Variants in CACNB2 observed in about 807,000 individuals in gnomAD.
The protein encoded by CACNB2 is voltage-dependent L-type calcium channel subunit beta-2.
CACNB2 carries 42 observed loss-of-function variants against 73.3 expected under a neutral mutation model. The observed-to-expected ratio is 0.57, with a 90% CI of 0.45 to 0.74. The LOEUF is 0.74. Ranked by LOEUF, CACNB2 falls within the 30% of genes least tolerant of loss-of-function variation. CACNB2 has a pLI of 0.00. For missense variants in CACNB2, 940 were observed against 853.0 expected, an observed-to-expected ratio of 1.10 and a Z score of -1.27; for synonymous variants, 348 against 310.3, an observed-to-expected ratio of 1.12 and a Z score of -1.28.
At chr10:18,391,881 TTG>T (rs1418046359) in intron 2 of CACNB2, among the ~76,000 whole-genome samples, 3 of 143,100 alleles carry the variant, frequency 2.1e-5, no homozygotes, top group Non-Finnish European at 3.0e-5. Flanking sequence ...TGAGCCAAGA[TTG>T]TGCCACTGCA....
At chr10:18,522,008 C>G (rs1306708440) in intron 9 of CACNB2, among the ~76,000 whole-genome samples, 1 of 152,160 alleles carries the variant, frequency 6.6e-6, no homozygotes, top group Non-Finnish European at 1.5e-5. Flanking sequence ...AGTCACTCCT[C>G]ATCACTCACA....
chr10:18,274,747 C>A (rs768449393), intron 2 of CACNB2, among the ~76,000 whole-genome samples: 4 of 152,102 alleles, frequency 2.6e-5, no homozygotes, highest in Non-Finnish European at 5.9e-5. Context: ...ATAGTTACAA[C>A]ATGCTTATAA....
intron 2 of CACNB2, among the ~76,000 whole-genome samples, chr10:18,273,584 T>G (rs1236304943): frequency 6.6e-6 from 1 of 152,144 alleles, no homozygotes; most frequent in African/African-American, 2.4e-5. Flanking sequence ...ATTATGGAAA[T>G]GGTGGCTAAT....
At chr10:18,332,231 G>A (rs1222278752) in intron 2 of CACNB2, among the ~76,000 whole-genome samples, 8 of 152,170 alleles carry the variant, frequency 5.3e-5, no homozygotes, top group South Asian at 2.1e-4. Context: ...ATTGGACAGC[G>A]TCCAAGAGAT....
intron 3 of CACNB2, among the ~76,000 whole-genome samples, chr10:18,450,607 G>A (rs1387504108): frequency 1.3e-5 from 2 of 151,178 alleles, no homozygotes; most frequent in African/African-American, 4.9e-5. Context: ...ACCCTCGCCA[G>A]CTCCAGCTGC....
At position 18,539,495 on chromosome 10, in the gene CACNB2, A is replaced by G. The variant is rs1412805204; in HGVS notation, c.1754A>G (p.His585Arg). 6.2e-7 allele frequency: 1 copy of G among 1,613,992 alleles called. No homozygotes were observed. Among genetic ancestry groups the G allele is most frequent in the Non-Finnish European group, 8.5e-7 (1 of 1,180,004 alleles). The change falls in exon 14 of 14, where the codon CAC (histidine) becomes CGC (arginine). Residue 585 changes from histidine to arginine, a missense_variant. Transcript: ENST00000324631. ...SHDHVDHYAS[H>R]RDHNHRDETH... The stretch of plus-strand genomic sequence containing the variant: ...GACCACGTGGACCACTATGCCTCAC[A>G]CCGTGACCACAACCACAGAGACGAG...
At chr10:18,275,555 C>T (rs910426661) in intron 2 of CACNB2, among the ~76,000 whole-genome samples, 12 of 152,058 alleles carry the variant, frequency 7.9e-5, no homozygotes, top group African/African-American at 2.7e-4. Flanking sequence ...CCATGGCACA[C>T]GTTTACCTAT....
At chr10:18,307,098 G>GA (rs929162109) in intron 2 of CACNB2, among the ~76,000 whole-genome samples, 187 of 147,974 alleles carry the variant, frequency 1.3e-3, no homozygotes, top group African/African-American at 4.1e-3. Flanking sequence ...AAATGGTGGA[G>GA]AAAAAAAAAA....
chr10:18,225,250 T>A lies in CACNB2; in HGVS notation c.213+74275T>A, dbSNP rs1332495691. ...AAAATCCCTGGCAGAGGATGGGGGA[T>A]GGGGGAGGGTAAAGCCTGGAGAGAC... On this transcript the variant is annotated intron_variant, in intron 2 of 13. Coordinates refer to ENST00000324631, the MANE Select transcript of CACNB2 (RefSeq NM_201596.3). 3.9e-5 allele frequency among the ~76,000 whole-genome samples: 6 copies of A among 152,092 alleles called. No homozygotes were observed. The South Asian group carries it at 1.3e-3, about 32-fold the overall frequency.
At chr10:18,391,967 A>T (rs1275230971) in intron 2 of CACNB2, among the ~76,000 whole-genome samples, 2 of 150,376 alleles carry the variant, frequency 1.3e-5, no homozygotes, top group African/African-American at 4.9e-5. Context: ...CACTATTTTT[A>T]AAAAAGTAGA....
At chr10:18,177,465 C>CAA (rs35967003) in intron 2 of CACNB2, among the ~76,000 whole-genome samples, 16,989 of 130,260 alleles carry the variant, frequency 0.13, 1,130 homozygotes, top group Middle Eastern at 0.17. Flanking sequence ...ATTAAAAATG[C>CAA]AAAAAAAAAA....
chr10:18,478,201 G>A (rs1195924966), intron 3 of CACNB2, among the ~76,000 whole-genome samples: 1 of 152,082 alleles, frequency 6.6e-6, no homozygotes, highest in Non-Finnish European at 1.5e-5. Flanking sequence ...GAAGGTGCTG[G>A]GATTACAGGC....
intron 2 of CACNB2, among the ~76,000 whole-genome samples, chr10:18,338,552 A>G (rs1225019759): frequency 6.6e-6 from 1 of 152,098 alleles, no homozygotes; most frequent in Admixed American, 6.6e-5. Flanking sequence ...CAGACCCTTC[A>G]CTTTCACTAC....
intron 2 of CACNB2, among the ~76,000 whole-genome samples, chr10:18,160,847 C>T (rs577978626): frequency 2.0e-5 from 3 of 152,240 alleles, no homozygotes; most frequent in African/African-American, 7.2e-5. Context: ...TTATCACATG[C>T]TGGAGAAGTC....
At chr10:18,507,500 G>A (rs1037678929) in intron 6 of CACNB2, among the ~76,000 whole-genome samples, 9 of 152,196 alleles carry the variant, frequency 5.9e-5, no homozygotes, top group Admixed American at 3.9e-4. Context: ...CACTAAAAAT[G>A]TATGGAACAT....
At chr10:18,178,420 T>C (rs60864157) in intron 2 of CACNB2, among the ~76,000 whole-genome samples, 2,197 of 152,334 alleles carry the variant, frequency 0.014, 45 homozygotes, top group African/African-American at 0.049. Context: ...TGTGCATGTA[T>C]ATCATAATTT....
chr10:18,347,418 T>C (rs1470344767), intron 2 of CACNB2, among the ~76,000 whole-genome samples: 2 of 146,970 alleles, frequency 1.4e-5, no homozygotes, highest in Admixed American at 7.0e-5. Flanking sequence ...CACGAACTCC[T>C]GAGCTCAGGC....
chr10:18,409,372 A>G (rs979692991), intron 3 of CACNB2, among the ~76,000 whole-genome samples: 13 of 151,742 alleles, frequency 8.6e-5, no homozygotes, highest in Non-Finnish European at 1.5e-4. Flanking sequence ...TCCTGGGCTC[A>G]AGTAATCCTC....
intron 2 of CACNB2, among the ~76,000 whole-genome samples, chr10:18,269,821 A>G (rs149640346): frequency 1.7e-4 from 26 of 152,294 alleles, no homozygotes; most frequent in Non-Finnish European, 3.4e-4. Flanking sequence ...GGTTAGATTA[A>G]ATGACACTTT....
Sources: allele counts gnomAD v4.1 joint callset (sites outside exome capture counted in the v4.1 genomes callset), GRCh38; gene constraint gnomAD v4.1.1; transcripts MANE v1.5; gene names NCBI Gene and HGNC (gene_info 2026-07-23, HGNC 2026-07-21).